Variants in SCAMP4 observed in about 807,000 individuals in gnomAD.
SCAMP4 encodes secretory carrier membrane protein 4, also known as secretory carrier-associated membrane protein 4.
A neutral mutation model predicts 32.1 loss-of-function variants in SCAMP4; 19 were observed. The observed-to-expected ratio is 0.59, with a 90% CI of 0.41 to 0.87. The LOEUF (loss-of-function observed/expected upper bound fraction) is 0.87. Ranked by LOEUF, SCAMP4 falls within the 40% of genes least tolerant of loss-of-function variation. The pLI is 0.00. For synonymous variants in SCAMP4, 152 were observed against 132.7 expected, an observed-to-expected ratio of 1.15 and a Z score of -1.00; for missense variants, 302 against 309.0, an observed-to-expected ratio of 0.98 and a Z score of 0.17.
intron 1 of SCAMP4, chr19:1,913,429 A>G (rs1032229489): frequency 3.6e-6 from 2 of 560,910 alleles, no homozygotes; most frequent in Non-Finnish European, 6.4e-6. Flanking sequence ...TGATGGGAAA[A>G]TAAACAGCCC....
At chr19:1,912,854 G>A (rs1421507475) in intron 1 of SCAMP4, 1 of 1,596,830 alleles carries the variant, frequency 6.3e-7, no homozygotes, top group South Asian at 1.1e-5. Context: ...CCTTCGCCCC[G>A]GCCGCTGCCC....
intron 5 of SCAMP4, chr19:1,920,684 C>T: frequency 1.0e-6 from 1 of 985,528 alleles, no homozygotes. Context: ...GCTCGTCATC[C>T]TCCGAGTCCT....
intron 2 of SCAMP4, among the ~76,000 whole-genome samples, chr19:1,917,222 C>T (rs1231890947): frequency 6.6e-6 from 1 of 152,198 alleles, no homozygotes; most frequent in Non-Finnish European, 1.5e-5. Flanking sequence ...AGAAGAATCA[C>T]TTGAGCTTGG....
Position 1,924,604 on chromosome 19 carries a change from C to T in SCAMP4, c.*320C>T. 1 of 344,686 alleles carries T rather than the reference C, an allele frequency of 2.9e-6. No individual in the cohort carries two copies. Among genetic ancestry groups the T allele is most frequent in the Non-Finnish European group, 5.6e-6 (1 of 177,330 alleles). The allele number at this position is 344,686 out of a possible 1,614,324, so 21.4% of individuals were successfully genotyped here. A position where few individuals can be genotyped will look rare whatever the true frequency, so the allele number is the denominator to read the frequency against. ...ACGGCCTTGTCTTCAGGTCTCGAGG[C>T]CTGACTCCGGGGGACAGGTGGCAGC... On this transcript the variant is annotated 3_prime_UTR_variant, in exon 7 of 7. Transcript: ENST00000316097.
rs187174786 is a variant in SCAMP4, at chr19:1,915,900, G to A, written c.7+874G>A. 2.6e-3 allele frequency among the ~76,000 whole-genome samples: 379 copies of A among 146,996 alleles called. 2 individuals are homozygous for A. The highest frequency in any genetic ancestry group is 9.2e-3 in the African/African-American group (362 of 39,438). On this transcript the variant is annotated intron_variant, in intron 2 of 6. Coordinates refer to ENST00000316097, the MANE Select transcript of SCAMP4 (RefSeq NM_079834.4). ...GGCGGAGCTTGCAGTGAGCGAGATC[G>A]GGCCACTGCACTCCAGCCTGGGTGA...
In SCAMP4 at chr19:1,917,888, T is replaced by C. The variant is rs1014907973; in HGVS notation, c.136+66T>C. 9.8e-5 allele frequency: 157 copies of C among 1,598,368 alleles called. No homozygotes were observed. In the Admixed American group the frequency reaches 2.6e-3, roughly 26 times the overall value. On this transcript the variant is annotated intron_variant, in intron 3 of 6. Coordinates refer to ENST00000316097, the MANE Select transcript of SCAMP4 (RefSeq NM_079834.4). ...GGGCTCCCCGAGGGAGGGAGTGGCA[T>C]TCAGGCAGGGGCAGCCCGTCGGGGG... is the stretch of plus-strand genomic sequence containing the variant.
At chr19:1,912,605 C>G in intron 1 of SCAMP4, 1 of 1,484,360 alleles carries the variant, frequency 6.7e-7, no homozygotes, top group Non-Finnish European at 8.9e-7. Context: ...CGCAGGAGCG[C>G]GCCGCCATGC....
At chr19:1,915,155 T>A (rs1599247235) in intron 2 of SCAMP4, 129 bp downstream of exon 2, 1 of 1,086,208 alleles carries the variant, frequency 9.2e-7, no homozygotes, top group East Asian at 2.4e-5. Flanking sequence ...CTCTGACTCC[T>A]CGGGTCCCGT....
intron 2 of SCAMP4, among the ~76,000 whole-genome samples, chr19:1,917,473 T>A (rs2013770037): frequency 6.6e-6 from 1 of 152,060 alleles, no homozygotes; most frequent in South Asian, 2.1e-4. Flanking sequence ...CTTCACAGCC[T>A]CAGCGCAGCC....
chr19:1,922,295 TG>T, intron 5 of SCAMP4: 1 of 979,202 alleles, frequency 1.0e-6, no homozygotes, highest in Non-Finnish European at 1.2e-6. Flanking sequence ...AATCTTGCTC[TG>T]TCCCCCAGGC....
Position 1,912,955 on chromosome 19 carries a change from C to T in SCAMP4, c.-41-2024C>T, listed in dbSNP as rs932578273. The T allele has an allele frequency of 6.2e-7, 1 of 1,610,166 alleles. No homozygotes were observed. The highest frequency in any genetic ancestry group is 1.3e-5 in the African/African-American group (1 of 74,908). On this transcript the variant is annotated intron_variant, in intron 1 of 6. Transcript: ENST00000316097. ...TGCACTGGCTACGACCTGTACGTGA[C>T]CCGCGAGCCCTGCGCCATGTGCGCC...
At chr19:1,912,934 C>T (rs1423723580) in intron 1 of SCAMP4, 4 of 1,610,416 alleles carry the variant, frequency 2.5e-6, no homozygotes, top group Admixed American at 1.7e-5. Context: ...TACCTGTGCA[C>T]TGGCTACGAC....
intron 1 of SCAMP4, chr19:1,913,088 C>T (rs1344876673): frequency 1.2e-6 from 2 of 1,600,774 alleles, no homozygotes; most frequent in East Asian, 2.2e-5. Flanking sequence ...ACCTCAACCA[C>T]CGCTTCCAGG....
Position 1,924,379 on chromosome 19 carries a change from TC to T in SCAMP4, c.*101del. 14 of 1,155,992 alleles carry T rather than the reference TC, an allele frequency of 1.2e-5. No individual in the cohort carries two copies. Among genetic ancestry groups the T allele is most frequent in the Non-Finnish European group, 1.6e-5 (13 of 818,644 alleles). The allele number at this position is 1,155,992 out of a possible 1,614,324, so 71.6% of individuals were successfully genotyped here. On this transcript the variant is annotated 3_prime_UTR_variant, in exon 7 of 7. Coordinates refer to ENST00000316097, the MANE Select transcript of SCAMP4 (RefSeq NM_079834.4). ...AGGGCTGGGAGTACCTGGGGCCCCA[TC>T]CCCCCAGCTGGGATGGTGGAAGCCG...
intron 1 of SCAMP4, among the ~76,000 whole-genome samples, chr19:1,914,133 C>G (rs1006916604): frequency 6.6e-6 from 1 of 152,152 alleles, no homozygotes; most frequent in Non-Finnish European, 1.5e-5. Flanking sequence ...AGCATTTGGG[C>G]CTCCTTCATG....
rs534034711 is a variant in SCAMP4, at chr19:1,911,364, G to A, written c.-41-3615G>A. 1.1e-3 allele frequency among the ~76,000 whole-genome samples: 161 copies of A among 152,118 alleles called. 1 individual carries two copies. The highest frequency in any genetic ancestry group is 1.8e-3 in the Non-Finnish European group (119 of 68,000). Reference sequence around the variant, plus strand: ...TTTTTTGATATTTAGTAGAAATGGGGTGTTGTTATGTTGCCTAGGCTGGTC... The same window carrying A: ...TTTTTTGATATTTAGTAGAAATGGGATGTTGTTATGTTGCCTAGGCTGGTC... On this transcript the variant is annotated intron_variant, in intron 1 of 6. Transcript: ENST00000316097.
At chr19:1,906,764 T>C (rs2013136541) in intron 1 of SCAMP4, 1 of 149,638 alleles carries the variant, frequency 6.7e-6, no homozygotes, top group Non-Finnish European at 1.5e-5. Context: ...GGCAGGAAAA[T>C]GGTGTGAACT....
At chr19:1,921,892 C>G in intron 5 of SCAMP4, 1 of 985,384 alleles carries the variant, frequency 1.0e-6, no homozygotes, top group Non-Finnish European at 1.2e-6. Context: ...AGCAGGCGAA[C>G]ACAGGACAGG....
intron 1 of SCAMP4, chr19:1,912,518 G>A: frequency 6.7e-7 from 1 of 1,496,560 alleles, no homozygotes; most frequent in Non-Finnish European, 8.8e-7. Context: ...AGTTCGAGGA[G>A]GCCCGGGCCC....
Sources: allele counts gnomAD v4.1 joint callset (sites outside exome capture counted in the v4.1 genomes callset), GRCh38; gene constraint gnomAD v4.1.1; transcripts MANE v1.5; gene names NCBI Gene and HGNC (gene_info 2026-07-23, HGNC 2026-07-21).